SLC22A15: variants seen among roughly 807,000 people sequenced by gnomAD.
SLC22A15 encodes solute carrier family 22 member 15, also known as flipt 1.
SLC22A15 carries 45 observed loss-of-function variants against 62.7 expected under a neutral mutation model. The observed-to-expected ratio is 0.72, with a 90% confidence interval of 0.56 to 0.92. SLC22A15 has a LOEUF of 0.92. Ranked by LOEUF, SLC22A15 falls within the 40% of genes least tolerant of loss-of-function variation. SLC22A15 has a pLI of 0.00. For synonymous variants in SLC22A15, 264 were observed against 267.0 expected, an observed-to-expected ratio of 0.99 and a Z score of 0.11; for missense variants, 622 against 665.6, an observed-to-expected ratio of 0.93 and a Z score of 0.72.
rs971230970 is a variant in SLC22A15 at position 116,020,872 on chromosome 1, C to T, written c.585C>T (p.Tyr195=). The T allele has an allele frequency of 1.1e-5, 18 of 1,611,392 alleles. No homozygotes were observed. The highest frequency in any genetic ancestry group is 1.5e-5 in the Non-Finnish European group (18 of 1,178,438). ...VLLNECVGTA[Y]WALAGSIGGL... ...TTAATGAATGTGTGGGCACCGCCTA[C>T]TGGGCACTTGCAGGTACTACTTAAA... Residue 195 remains tyrosine, a synonymous_variant, in exon 4 of 12, where the codon TAC becomes TAT. Coordinates refer to ENST00000369503, the MANE Select transcript of SLC22A15 (RefSeq NM_018420.3).
At chr1:116,017,384 A>C (rs1053071658) in intron 2 of SLC22A15, 10 of 149,510 alleles carry the variant, frequency 6.7e-5, no homozygotes, top group Admixed American at 1.3e-4. Context: ...AAAAAAAAAA[A>C]GAAAAGAAAA....
Position 116,037,330 on chromosome 1 carries a change from A to C in SLC22A15, c.1113A>C (p.Ala371=). ...TTGGTCGGAAGCGAACATTATCAGC[A>C]TTTCTGTGCCTAGGAGGACTGGCTT... ...KWFGRKRTLS[A]FLCLGGLACL... Residue 371 remains alanine (A), a synonymous_variant, in exon 8 of 12, where the codon GCA becomes GCC. Coordinates refer to ENST00000369503, the MANE Select transcript of SLC22A15 (RefSeq NM_018420.3). 1 of 1,613,428 alleles carries C rather than the reference A, an allele frequency of 6.2e-7. No homozygotes were observed. The highest frequency in any genetic ancestry group is 8.5e-7 in the Non-Finnish European group (1 of 1,179,474).
intron 5 of SLC22A15, among the ~76,000 whole-genome samples, chr1:116,029,037 C>G (rs1657257867): frequency 6.6e-6 from 1 of 152,172 alleles, no homozygotes; most frequent in South Asian, 2.1e-4. Flanking sequence ...AAACTGAGAG[C>G]TCTCCAACAG....
At position 116,031,477 on chromosome 1, in the gene SLC22A15, A is replaced by C. The variant is rs771795018; in HGVS notation, c.840A>C (p.Ser280=). Residue 280 remains serine, a synonymous_variant, in exon 6 of 12, where the codon TCA becomes TCC. Coordinates refer to ENST00000369503, the MANE Select transcript of SLC22A15 (RefSeq NM_018420.3). ...ACCGCAAACTCAAGTGCACGTTCTC[A>C]CTAACACACCCAGCCAACAGGAGCT... The part of the protein sequence containing the change: ...KRNRKLKCTF[S]LTHPANRSCR... 1 of 1,614,006 alleles carries C rather than the reference A, an allele frequency of 6.2e-7. No homozygotes were observed. Among genetic ancestry groups the C allele is most frequent in the Non-Finnish European group, 8.5e-7 (1 of 1,179,886 alleles).
chr1:115,991,920 A>G, intron 1 of SLC22A15, 111 bp from the exon 2 acceptor site: 4 of 890,432 alleles, frequency 4.5e-6, no homozygotes, highest in Non-Finnish European at 6.9e-6. Context: ...TGTAGCTCAT[A>G]AAAATACAAA....
chr1:116,002,010 G>C (rs930472604), intron 2 of SLC22A15, among the ~76,000 whole-genome samples: 1 of 152,168 alleles, frequency 6.6e-6, no homozygotes, highest in Non-Finnish European at 1.5e-5. Context: ...AACTAATTGA[G>C]TGTTATGATC....
chr1:116,003,843 G>A (rs767992563), intron 2 of SLC22A15, among the ~76,000 whole-genome samples: 7 of 152,144 alleles, frequency 4.6e-5, no homozygotes, highest in Non-Finnish European at 8.8e-5. Flanking sequence ...TCACCCAATT[G>A]TCCCAAAGAG....
chr1:116,037,601 G>T, intron 8 of SLC22A15: 2 of 470,972 alleles, frequency 4.2e-6, no homozygotes, highest in South Asian at 7.0e-5. Flanking sequence ...AATTCTTTCA[G>T]GCTATTAAGC....
At chr1:116,031,057 AAT>A in intron 5 of SLC22A15, among the ~76,000 whole-genome samples, 1 of 152,298 alleles carries the variant, frequency 6.6e-6, no homozygotes, top group South Asian at 2.1e-4. Context: ...TAGACTGAAT[AAT>A]ATGTTAATAT....
At chr1:115,993,763 A>G (rs1570698712) in intron 2 of SLC22A15, among the ~76,000 whole-genome samples, 1 of 152,104 alleles carries the variant, frequency 6.6e-6, no homozygotes, top group South Asian at 2.1e-4. Flanking sequence ...TAGAGACCCT[A>G]TGAGTTACAT....
intron 8 of SLC22A15, among the ~76,000 whole-genome samples, chr1:116,038,841 C>T (rs967697343): frequency 1.3e-5 from 2 of 152,062 alleles, no homozygotes; most frequent in Non-Finnish European, 2.9e-5. Flanking sequence ...TAGAGAAAAA[C>T]TTGTCACTAG....
At chr1:116,025,265 C>G (rs1320482902) in intron 4 of SLC22A15, among the ~76,000 whole-genome samples, 1 of 152,138 alleles carries the variant, frequency 6.6e-6, no homozygotes, top group East Asian at 1.9e-4. Flanking sequence ...GTGCTCAGGA[C>G]TATTCTGAGC....
intron 1 of SLC22A15, among the ~76,000 whole-genome samples, chr1:115,988,841 A>G (rs1655012222): frequency 6.6e-6 from 1 of 152,080 alleles, no homozygotes; most frequent in Non-Finnish European, 1.5e-5. Flanking sequence ...CTGAGGACCT[A>G]GTATTAATCT....
chr1:116,063,841 C>T (rs924842269), intron 9 of SLC22A15, among the ~76,000 whole-genome samples: 2 of 152,144 alleles, frequency 1.3e-5, no homozygotes, highest in East Asian at 3.9e-4. Flanking sequence ...CTCCCTCCCT[C>T]CCTCTCTCCT....
chr1:116,008,207 C>A (rs1656079301), intron 2 of SLC22A15, among the ~76,000 whole-genome samples: 1 of 152,106 alleles, frequency 6.6e-6, no homozygotes, highest in Non-Finnish European at 1.5e-5. Flanking sequence ...TTTCTTTGAG[C>A]CAGGGTGAGC....
intron 7 of SLC22A15, among the ~76,000 whole-genome samples, 170 bp from the exon 8 acceptor site, chr1:116,037,133 A>G (rs1657650470): frequency 6.6e-6 from 1 of 152,208 alleles, no homozygotes; most frequent in Admixed American, 6.5e-5. Flanking sequence ...TATAGTGGTT[A>G]TTTATTTTGA....
Position 115,992,254 on chromosome 1 carries a change from G to C in SLC22A15, c.300+11G>C. 1.3e-6 allele frequency: 2 copies of C among 1,559,640 alleles called. No individual in the cohort carries two copies. Among genetic ancestry groups the C allele is most frequent in the Non-Finnish European group, 1.7e-6 (2 of 1,150,148 alleles). On this transcript the variant is annotated intron_variant, in intron 2 of 11. Transcript: ENST00000369503. ...TCCATCGCCTCGGAGGTAACAACAG[G>C]CTGTTTCAATCACTAAATAAATGTC...
At chr1:116,054,681 G>A (rs965188530) in intron 8 of SLC22A15, among the ~76,000 whole-genome samples, 3 of 152,216 alleles carry the variant, frequency 2.0e-5, no homozygotes, top group African/African-American at 7.2e-5. Context: ...GCAAATGTAA[G>A]AGAACAGAAA....
intron 1 of SLC22A15, among the ~76,000 whole-genome samples, chr1:115,983,907 C>G (rs1654731685): frequency 6.6e-6 from 1 of 152,144 alleles, no homozygotes; most frequent in Non-Finnish European, 1.5e-5. Flanking sequence ...TTCACTTTCA[C>G]CCCTCTCCCA....
Sources: allele counts gnomAD v4.1 joint callset (sites outside exome capture counted in the v4.1 genomes callset), GRCh38; gene constraint gnomAD v4.1.1; transcripts MANE v1.5; gene names NCBI Gene and HGNC (gene_info 2026-07-23, HGNC 2026-07-21).